Variants in RIN3 observed in about 807,000 individuals in gnomAD.
RIN3 encodes the protein Ras and Rab interactor 3, also known as RAB5 interacting protein 3.
A neutral mutation model predicts 76.3 loss-of-function variants in RIN3; 54 were observed. The ratio of observed to expected loss-of-function variants is 0.71; its 90% CI spans 0.57 to 0.89. The LOEUF is 0.89. Among genes scored for constraint, RIN3 ranks in the 40% least tolerant of loss-of-function variants. The probability of loss-of-function intolerance (pLI) is 0.00; values close to 1 mark genes in which losing one functional copy is unlikely to be tolerated. For missense variants in RIN3, 1,256 were observed against 1,322.1 expected (o/e 0.95, Z 0.78); for synonymous variants, 576 against 564.0 (o/e 1.02, Z -0.30).
chr14:92,666,871 G>A (rs1348662675), intron 7 of RIN3, among the ~76,000 whole-genome samples: 1 of 152,166 alleles, frequency 6.6e-6, no homozygotes, highest in Non-Finnish European at 1.5e-5. Flanking sequence ...TCAGCTCCTT[G>A]AGTAGTCTAT....
At chr14:92,574,000 G>A (rs1432388910) in intron 2 of RIN3, among the ~76,000 whole-genome samples, 1 of 152,192 alleles carries the variant, frequency 6.6e-6, no homozygotes, top group Admixed American at 6.5e-5. Flanking sequence ...GTAAGCCAAT[G>A]TCAAGCAGGA....
At chr14:92,538,632 A>G (rs1232528117) in intron 1 of RIN3, among the ~76,000 whole-genome samples, 2 of 152,206 alleles carry the variant, frequency 1.3e-5, no homozygotes, top group African/African-American at 4.8e-5. Flanking sequence ...TTTGAGATCT[A>G]TTCTAGAAGG....
intron 8 of RIN3, among the ~76,000 whole-genome samples, chr14:92,684,457 G>C (rs1287732518): frequency 6.7e-6 from 1 of 150,116 alleles, no homozygotes; most frequent in Non-Finnish European, 1.5e-5. Flanking sequence ...GTAATGTATC[G>C]AATACTTTAC....
chr14:92,615,334 C>T (rs1671380648), intron 3 of RIN3, 73 bp from the exon 4 acceptor site: 3 of 1,327,142 alleles, frequency 2.3e-6, no homozygotes, highest in Non-Finnish European at 3.3e-6. Context: ...CGACCCCATC[C>T]TTGCCACCTC....
At chr14:92,650,594 A>C (rs1198869793) in intron 5 of RIN3, among the ~76,000 whole-genome samples, 1 of 152,192 alleles carries the variant, frequency 6.6e-6, no homozygotes, top group African/African-American at 2.4e-5. Flanking sequence ...GTCCAGCTCC[A>C]AACCTAGCAG....
intron 8 of RIN3, among the ~76,000 whole-genome samples, chr14:92,679,291 G>C (rs1888582800): frequency 6.6e-6 from 1 of 152,208 alleles, no homozygotes. Flanking sequence ...TGGCAGCCCT[G>C]TCTGACCACG....
At chr14:92,582,963 T>G (rs1006917825) in intron 3 of RIN3, among the ~76,000 whole-genome samples, 2 of 152,204 alleles carry the variant, frequency 1.3e-5, no homozygotes, top group Non-Finnish European at 2.9e-5. Context: ...ACACAGCTTT[T>G]TGAATCCCGC....
At chr14:92,561,283 G>A (rs1016361767) in intron 2 of RIN3, among the ~76,000 whole-genome samples, 3 of 150,962 alleles carry the variant, frequency 2.0e-5, no homozygotes, top group Admixed American at 6.7e-5. Context: ...TGTGTCTAGC[G>A]CTGGTGCTCA....
rs1887281803 is a variant in RIN3, at chr14:92,648,437, C to T, written c.533-3145C>T. Among the ~76,000 whole-genome samples the T allele has an allele frequency of 6.6e-6, 1 of 152,232 alleles. No homozygotes were observed. The highest frequency in any genetic ancestry group is 2.1e-4 in the South Asian group (1 of 4,824). ...GTGGCAGGCTGCCCGGCTGGTGGCC[C>T]ATCCGTTTACGGGGCTCCTGTGCCC... On this transcript the variant is annotated intron_variant, in intron 5 of 9. Transcript: ENST00000216487. The surrounding 1 kb of genome is among the most constrained non-coding windows in gnomAD (Gnocchi z 4.1).
intron 5 of RIN3, among the ~76,000 whole-genome samples, chr14:92,642,548 A>G (rs1486655444): frequency 6.6e-6 from 1 of 152,190 alleles, no homozygotes; most frequent in African/African-American, 2.4e-5. Context: ...AGCCATACAT[A>G]GGACACTGTG....
At chr14:92,684,745 A>G (rs1888787943) in intron 8 of RIN3, among the ~76,000 whole-genome samples, 1 of 152,108 alleles carries the variant, frequency 6.6e-6, no homozygotes, top group Non-Finnish European at 1.5e-5. Context: ...TTCGTCCCCA[A>G]GGGGAGCCAG....
intron 1 of RIN3, among the ~76,000 whole-genome samples, chr14:92,528,861 G>A (rs956275433): frequency 6.6e-6 from 1 of 152,178 alleles, no homozygotes; most frequent in Non-Finnish European, 1.5e-5. Flanking sequence ...ACACACTCCA[G>A]TTCTGGGGCT....
intron 3 of RIN3, among the ~76,000 whole-genome samples, chr14:92,583,316 G>T (rs1355196836): frequency 6.6e-6 from 1 of 152,258 alleles, no homozygotes; most frequent in Non-Finnish European, 1.5e-5. Context: ...AGAAACACTC[G>T]CTCTGACCAC....
chr14:92,636,527 T>A (rs1886783394), intron 4 of RIN3, among the ~76,000 whole-genome samples: 1 of 152,102 alleles, frequency 6.6e-6, no homozygotes, highest in Non-Finnish European at 1.5e-5. Context: ...GAGGTTGCAG[T>A]GAGCCCAGAT....
chr14:92,629,773 T>C (rs1477356640), intron 4 of RIN3, among the ~76,000 whole-genome samples: 1 of 152,344 alleles, frequency 6.6e-6, no homozygotes, highest in African/African-American at 2.4e-5. Flanking sequence ...ATTCTACAGA[T>C]GAGGAAACGG....
chr14:92,555,334 A>G (rs1020135255), intron 1 of RIN3, among the ~76,000 whole-genome samples: 3 of 152,078 alleles, frequency 2.0e-5, no homozygotes, highest in African/African-American at 7.2e-5. Flanking sequence ...CCATTTCCTC[A>G]CAGACTCAAG....
chr14:92,542,604 C>G (rs1897153584), intron 1 of RIN3, among the ~76,000 whole-genome samples: 1 of 152,178 alleles, frequency 6.6e-6, no homozygotes, highest in Non-Finnish European at 1.5e-5. Context: ...AGGTTCCATA[C>G]AAAAACTTGC....
intron 7 of RIN3, among the ~76,000 whole-genome samples, chr14:92,662,728 G>A (rs1887935551): frequency 6.6e-6 from 1 of 152,164 alleles, no homozygotes; most frequent in South Asian, 2.1e-4. Flanking sequence ...GCTTTGCGCT[G>A]GAAGGGGCAA....
rs557320760 is a variant in RIN3, at chr14:92,515,104, G to T, written c.44+1128G>T. The T allele has an allele frequency of 2.1e-4, 126 of 611,246 alleles. No homozygotes were observed. The African/African-American group carries it at 2.3e-3, about 11-fold the overall frequency. 37.9% of individuals were successfully genotyped at this position (611,246 alleles called of 1,614,324 possible). On this transcript the variant is annotated intron_variant, in intron 1 of 9. Coordinates refer to ENST00000216487, the MANE Select transcript of RIN3 (RefSeq NM_024832.5). ...CTCAGCTGGGAGGGACTGGGAGGGGGCCTTAAGCTCATCTAGATCTGAACG... is the reference window on the plus strand; with the variant it reads ...CTCAGCTGGGAGGGACTGGGAGGGGTCCTTAAGCTCATCTAGATCTGAACG...
Sources: gnomAD v4.1 joint callset for allele counts (sites outside exome capture counted in the v4.1 genomes callset) on GRCh38, gnomAD v4.1.1 for gene constraint, Gnocchi (gnomAD v3.1) non-coding constraint, MANE v1.5 for transcripts, NCBI Gene and HGNC (gene_info 2026-07-23, HGNC 2026-07-21) for gene names.